The following MTUS2 variants were observed in gnomAD, a reference collection of about 807,000 sequenced individuals.
MTUS2 encodes microtubule associated scaffold protein 2, also known as microtubule-associated tumor suppressor candidate 2.
A neutral mutation model predicts 114.1 loss-of-function variants in MTUS2; 40 were observed. That is an observed-to-expected ratio of 0.35 (90% CI 0.27 to 0.46). The LOEUF (loss-of-function observed/expected upper bound fraction) is 0.46. Among genes scored for constraint, MTUS2 ranks in the 20% least tolerant of loss-of-function variants. MTUS2 has a pLI of 1.00. For synonymous variants in MTUS2, 688 were observed against 672.0 expected, an observed-to-expected ratio of 1.02 and a Z score of -0.37; for missense variants, 1,679 against 1,705.4, an observed-to-expected ratio of 0.98 and a Z score of 0.27.
chr13:29,153,328 A>T (rs1170438123), intron 5 of MTUS2, among the ~76,000 whole-genome samples: 2 of 152,162 alleles, frequency 1.3e-5, no homozygotes, highest in African/African-American at 4.8e-5. Flanking sequence ...AGAATTTTTA[A>T]CTAACCACCC....
intron 5 of MTUS2, among the ~76,000 whole-genome samples, chr13:29,196,099 T>G (rs1446220218): frequency 3.2e-5 from 3 of 92,546 alleles, no homozygotes; most frequent in African/African-American, 1.2e-4. Context: ...CTACTGCAGA[T>G]TTTTTTTTTT....
At position 29,025,259 on chromosome 13, in the gene MTUS2, C is replaced by A; in HGVS notation, c.561C>A (p.Val187=). 6.2e-7 allele frequency: 1 copy of A among 1,613,930 alleles called. No homozygotes were observed. Among genetic ancestry groups the A allele is most frequent in the Non-Finnish European group, 8.5e-7 (1 of 1,179,880 alleles). ...GAGCAAGCAGCTCTGTAGCTGCAGT[C>A]GGGAGCCTGACTCCGCAGCATCCAC... is the stretch of plus-strand genomic sequence containing the variant. ...LERASSSVAA[V]GSLTPQHPQP... is the part of the protein sequence containing the mutation. Residue 187 remains valine (V), a synonymous_variant, in exon 3 of 16, where the codon GTC becomes GTA. Transcript: ENST00000612955.
chr13:29,147,166 A>G (rs1892470637), intron 5 of MTUS2, among the ~76,000 whole-genome samples: 2 of 152,158 alleles, frequency 1.3e-5, no homozygotes, highest in South Asian at 2.1e-4. Context: ...AGGAAAGGAG[A>G]TAACGTTCAT....
intron 7 of MTUS2, among the ~76,000 whole-genome samples, chr13:29,337,419 A>G (rs1253024072): frequency 2.0e-5 from 3 of 151,994 alleles, no homozygotes; most frequent in African/African-American, 7.2e-5. Context: ...GACCCCTAGC[A>G]CTTCCCAGAG....
At chr13:29,107,516 A>G (rs184754706) in intron 5 of MTUS2, among the ~76,000 whole-genome samples, 3 of 152,294 alleles carry the variant, frequency 2.0e-5, no homozygotes, top group Admixed American at 6.5e-5. Flanking sequence ...TGGCTCTCAC[A>G]TTCTTCTAGG....
At chr13:29,142,795 T>A (rs966110767) in intron 5 of MTUS2, among the ~76,000 whole-genome samples, 4 of 152,122 alleles carry the variant, frequency 2.6e-5, no homozygotes, top group African/African-American at 9.7e-5. Flanking sequence ...AGTCATCAGG[T>A]GAATATTGTT....
intron 2 of MTUS2, among the ~76,000 whole-genome samples, chr13:28,922,632 C>A (rs903876466): frequency 6.6e-6 from 1 of 152,020 alleles, no homozygotes; most frequent in African/African-American, 2.4e-5. Context: ...GTTTAATGTC[C>A]CCCAGTCATT....
chr13:28,836,102 T>C (rs1415512159), intron 1 of MTUS2, among the ~76,000 whole-genome samples: 1 of 152,226 alleles, frequency 6.6e-6, no homozygotes, highest in Admixed American at 6.5e-5. Context: ...TTTTCTGTTT[T>C]CTAGTACCTG....
intron 2 of MTUS2, among the ~76,000 whole-genome samples, chr13:28,862,839 T>C (rs1267016720): frequency 6.6e-6 from 1 of 152,172 alleles, no homozygotes; most frequent in Non-Finnish European, 1.5e-5. Context: ...ACAAAATGAC[T>C]TCAATTAAAC....
At chr13:29,309,885 A>G (rs954420777) in intron 6 of MTUS2, among the ~76,000 whole-genome samples, 1 of 152,078 alleles carries the variant, frequency 6.6e-6, no homozygotes. Flanking sequence ...GGTCTCCATC[A>G]CCTCAAGCAT....
chr13:29,451,346 G>A (rs1027335670), intron 9 of MTUS2, among the ~76,000 whole-genome samples: 1 of 151,870 alleles, frequency 6.6e-6, no homozygotes, highest in Non-Finnish European at 1.5e-5. Flanking sequence ...ATAGGTCAAA[G>A]AGGAAACCAC....
intron 5 of MTUS2, among the ~76,000 whole-genome samples, chr13:29,218,758 G>A (rs1895783607): frequency 6.6e-6 from 1 of 152,156 alleles, no homozygotes; most frequent in South Asian, 2.1e-4. Context: ...TTTCTTCTGA[G>A]CAGTAGATCT....
intron 2 of MTUS2, among the ~76,000 whole-genome samples, chr13:28,852,012 A>G (rs1007217390): frequency 6.6e-6 from 1 of 151,472 alleles, no homozygotes; most frequent in Admixed American, 6.6e-5. Flanking sequence ...CCCCACATCT[A>G]TCTCCCTCCC....
chr13:29,278,064 G>A (rs1254346524), intron 5 of MTUS2, among the ~76,000 whole-genome samples: 2 of 152,164 alleles, frequency 1.3e-5, no homozygotes, highest in East Asian at 1.9e-4. Context: ...GATAATGCAA[G>A]GAACTTAGAC....
chr13:29,354,578 A>G (rs371647189), intron 7 of MTUS2, among the ~76,000 whole-genome samples: 1 of 152,162 alleles, frequency 6.6e-6, no homozygotes, highest in African/African-American at 2.4e-5. Context: ...TCTTCTGTAC[A>G]TCAAAATAAA....
chr13:28,953,602 C>G (rs898861870), intron 2 of MTUS2, among the ~76,000 whole-genome samples: 2 of 152,136 alleles, frequency 1.3e-5, no homozygotes, highest in Non-Finnish European at 2.9e-5. Flanking sequence ...CTTGTGATAT[C>G]TTTTGCTTTT....
chr13:29,321,691 C>A (rs1271148501), intron 6 of MTUS2, among the ~76,000 whole-genome samples: 2 of 152,082 alleles, frequency 1.3e-5, no homozygotes, highest in African/African-American at 4.8e-5. Context: ...AGTTATTATA[C>A]AAGTAATATG....
chr13:29,074,965 T>G (rs1889118399), intron 4 of MTUS2, among the ~76,000 whole-genome samples: 2 of 152,124 alleles, frequency 1.3e-5, no homozygotes, highest in South Asian at 4.1e-4. Flanking sequence ...TTTGAGAACA[T>G]TTCATCACCC....
At chr13:29,252,003 C>T (rs1056936108) in intron 5 of MTUS2, among the ~76,000 whole-genome samples, 6 of 152,118 alleles carry the variant, frequency 3.9e-5, no homozygotes, top group African/African-American at 1.4e-4. Context: ...TTGGAGGAAC[C>T]ACCATGCTCT....
Sources: allele counts gnomAD v4.1 joint callset (sites outside exome capture counted in the v4.1 genomes callset), GRCh38; gene constraint gnomAD v4.1.1; transcripts MANE v1.5; gene names NCBI Gene and HGNC (gene_info 2026-07-23, HGNC 2026-07-21).